The following CALCR variants were observed in gnomAD, a reference collection of about 807,000 sequenced individuals.
CALCR encodes calcitonin receptor.
CALCR carries 47 observed loss-of-function variants against 59.5 expected under a neutral mutation model. That is an observed-to-expected ratio of 0.79 (90% CI 0.63 to 1.01). The LOEUF is 1.01. Among genes scored for constraint, CALCR ranks in the 50% least tolerant of loss-of-function variants. The pLI is 0.00. For missense variants in CALCR, 566 were observed against 597.1 expected (o/e 0.95, Z 0.54); for synonymous variants, 213 against 211.3 (o/e 1.01, Z -0.07).
At chr7:93,481,329 G>T (rs1381551545) in intron 3 of CALCR, among the ~76,000 whole-genome samples, 1 of 151,764 alleles carries the variant, frequency 6.6e-6, no homozygotes, top group Admixed American at 6.6e-5. Context: ...AAGTTGCGGG[G>T]TGGGGTGGGG....
chr7:93,452,218 CAG>C (rs1800123928), intron 8 of CALCR, among the ~76,000 whole-genome samples: 1 of 151,994 alleles, frequency 6.6e-6, no homozygotes, highest in Admixed American at 6.6e-5. Context: ...ATTTAGGGTT[CAG>C]AGAGAGTCTC....
At chr7:93,568,902 A>G (rs1202413975) in intron 2 of CALCR, among the ~76,000 whole-genome samples, 2 of 151,952 alleles carry the variant, frequency 1.3e-5, no homozygotes, top group African/African-American at 4.8e-5. Context: ...TCCAAATTCA[A>G]CTATTTATCT....
At chr7:93,547,210 T>C (rs1214018781) in intron 2 of CALCR, among the ~76,000 whole-genome samples, 1 of 152,146 alleles carries the variant, frequency 6.6e-6, no homozygotes, top group Non-Finnish European at 1.5e-5. Flanking sequence ...AGCTGGTAGT[T>C]AGGGTCACAA....
chr7:93,546,726 T>C (rs1380848151), intron 2 of CALCR, among the ~76,000 whole-genome samples: 2 of 127,892 alleles, frequency 1.6e-5, no homozygotes, highest in East Asian at 4.4e-4. Flanking sequence ...ATAATTTTTG[T>C]ATTTTTTTTT....
chr7:93,435,058 A>G (rs551585988), intron 12 of CALCR, among the ~76,000 whole-genome samples: 1 of 152,262 alleles, frequency 6.6e-6, no homozygotes, highest in South Asian at 2.1e-4. Context: ...TTATGCTTTC[A>G]ATGGGGCTTT....
At chr7:93,561,411 C>G (rs1037308750) in intron 2 of CALCR, among the ~76,000 whole-genome samples, 9 of 152,108 alleles carry the variant, frequency 5.9e-5, no homozygotes, top group African/African-American at 2.2e-4. Context: ...TACCACCCTT[C>G]ATTCCCTAAT....
intron 2 of CALCR, among the ~76,000 whole-genome samples, chr7:93,524,168 T>C (rs571437344): frequency 6.6e-6 from 1 of 151,120 alleles, no homozygotes; most frequent in Admixed American, 6.6e-5. Flanking sequence ...TTTACTATTT[T>C]TTTTTCTTTT....
intron 2 of CALCR, among the ~76,000 whole-genome samples, chr7:93,508,341 A>G (rs1801472493): frequency 6.6e-6 from 1 of 152,204 alleles, no homozygotes; most frequent in African/African-American, 2.4e-5. Flanking sequence ...GGCATACTAC[A>G]CTCTCAAAAC....
At chr7:93,513,113 G>A (rs1409079511) in intron 2 of CALCR, among the ~76,000 whole-genome samples, 2 of 152,082 alleles carry the variant, frequency 1.3e-5, no homozygotes, top group Non-Finnish European at 2.9e-5. Context: ...AGAAAGCCTG[G>A]AAATGCCACT....
chr7:93,425,045 A>G lies in CALCR; in HGVS notation c.*1311T>C, dbSNP rs975536815. 8 of 152,632 alleles carry G rather than the reference A, an allele frequency of 5.2e-5. No individual in the cohort carries two copies. The highest frequency in any genetic ancestry group is 8.8e-5 in the Non-Finnish European group (6 of 68,022). 9.5% of individuals were successfully genotyped at this position (152,632 alleles called of 1,614,324 possible). A position where few individuals can be genotyped will look rare whatever the true frequency, so the allele number is the denominator to read the frequency against. Reference sequence around the variant, plus strand: ...CCTCCTCATTTAGCATACAAATTAAATAATGGTAACTCTGATTACTGTTGC... The same window carrying G: ...CCTCCTCATTTAGCATACAAATTAAGTAATGGTAACTCTGATTACTGTTGC... On this transcript the variant is annotated 3_prime_UTR_variant, in exon 14 of 14. Transcript: ENST00000426151.
At position 93,426,543 on chromosome 7, in the gene CALCR, C is replaced by G. The variant is rs751858129; in HGVS notation, c.1238G>C (p.Trp413Ser). The G allele has an allele frequency of 6.2e-7, 1 of 1,613,178 alleles. No individual in the cohort carries two copies. The highest frequency in any genetic ancestry group is 1.1e-5 in the South Asian group (1 of 91,010). ...KRQWAQFKIQ[W>S]NQRWGRRPSN... Reference sequence around the variant, plus strand: ...GGGGCGCCTCCCCCAACGCTGGTTCCACTGAATTTTGAATTGGGCCCATTG... The same window carrying G: ...GGGGCGCCTCCCCCAACGCTGGTTCGACTGAATTTTGAATTGGGCCCATTG... The change falls in exon 14 of 14, where the codon TGG (tryptophan) becomes TCG (serine). Residue 413 changes from tryptophan (W) to serine (S), a missense_variant. Trp to Ser is a radical substitution (Grantham distance 177). Transcript: ENST00000426151.
At chr7:93,461,752 G>A (rs1314949504) in intron 7 of CALCR, among the ~76,000 whole-genome samples, 1 of 152,080 alleles carries the variant, frequency 6.6e-6, no homozygotes, top group Non-Finnish European at 1.5e-5. Flanking sequence ...TGGTGTGAAT[G>A]TTCACATAAA....
At chr7:93,569,710 A>G (rs975608137) in intron 2 of CALCR, among the ~76,000 whole-genome samples, 5 of 152,188 alleles carry the variant, frequency 3.3e-5, no homozygotes, top group Admixed American at 2.0e-4. Flanking sequence ...GGCACTTAGT[A>G]CATATTTATT....
intron 3 of CALCR, among the ~76,000 whole-genome samples, chr7:93,481,641 A>G (rs1325024843): frequency 2.0e-5 from 3 of 151,866 alleles, no homozygotes; most frequent in African/African-American, 4.8e-5. Context: ...TAGTGGAAAT[A>G]TCTTGCAAAG....
chr7:93,566,085 T>C (rs146879415), intron 2 of CALCR, among the ~76,000 whole-genome samples: 1,740 of 152,144 alleles, frequency 0.011, 31 homozygotes, highest in African/African-American at 0.04. Context: ...GAGATTTTTT[T>C]CCTATAATAC....
At chr7:93,506,849 C>T (rs1801435626) in intron 2 of CALCR, among the ~76,000 whole-genome samples, 1 of 152,094 alleles carries the variant, frequency 6.6e-6, no homozygotes, top group South Asian at 2.1e-4. Flanking sequence ...GAGAAGGAGC[C>T]AGTGAAAGGT....
chr7:93,530,896 A>G (rs894835732), intron 2 of CALCR, among the ~76,000 whole-genome samples: 2 of 152,090 alleles, frequency 1.3e-5, no homozygotes, highest in African/African-American at 4.8e-5. Context: ...ATCACTGGAG[A>G]GCTTGTCAGA....
At chr7:93,559,616 C>T (rs1563020940) in intron 2 of CALCR, 1 of 147,494 alleles carries the variant, frequency 6.8e-6, no homozygotes. Flanking sequence ...GTACTTAAAA[C>T]TTTTTTTTTT....
At chr7:93,510,774 A>G (rs1007688210) in intron 2 of CALCR, among the ~76,000 whole-genome samples, 1 of 152,058 alleles carries the variant, frequency 6.6e-6, no homozygotes, top group African/African-American at 2.4e-5. Flanking sequence ...AGGCGGGAGG[A>G]TTGCTTGAGC....
Sources: allele counts gnomAD v4.1 joint callset (sites outside exome capture counted in the v4.1 genomes callset), GRCh38; gene constraint gnomAD v4.1.1; transcripts MANE v1.5; gene names NCBI Gene and HGNC (gene_info 2026-07-23, HGNC 2026-07-21).